Variants in PDE4DIP observed in about 807,000 individuals in gnomAD.
PDE4DIP encodes the protein phosphodiesterase 4D interacting protein, also known as myomegalin.
In PDE4DIP, 59 loss-of-function variants were observed where a neutral mutation model predicts 221.4. That is an observed-to-expected ratio of 0.27 (90% CI 0.22 to 0.33). The LOEUF (loss-of-function observed/expected upper bound fraction) is 0.33. Ranked by LOEUF, PDE4DIP falls within the 10% of genes least tolerant of loss-of-function variation. PDE4DIP has a pLI of 1.00. For missense variants in PDE4DIP, 1,036 were observed against 2,154.2 expected (o/e 0.48, Z 10.28); for synonymous variants, 404 against 815.9 (o/e 0.50, Z 8.60).
intron 14 of PDE4DIP, 108 bp from the exon 18 acceptor site, chr1:148,972,069 CATT>C (rs2059323717): frequency 5.8e-6 from 2 of 344,468 alleles, no homozygotes; most frequent in South Asian, 7.6e-5. Context: ...TTGTTGTTGT[CATT>C]GTTGTTTGTT....
At chr1:148,948,491 T>C (rs2052351221) in intron 5 of PDE4DIP, among the ~76,000 whole-genome samples, 1 of 148,054 alleles carries the variant, frequency 6.8e-6, no homozygotes, top group Admixed American at 6.7e-5. Flanking sequence ...AAAAAACTCA[T>C]ATGGATAGGC....
rs782272111 is a variant in PDE4DIP, at chr1:148,953,143, C to G, written c.637-7511C>G. ...GGACGGTTGACATGTCCGTCTTACC[C>G]GATGCGAGATACTCTGCACTGCTCC... On this transcript the variant is annotated intron_variant, in intron 5 of 43. Transcript: ENST00000369354. 12 of 1,613,940 alleles carry G rather than the reference C, an allele frequency of 7.4e-6. No homozygotes were observed. The African/African-American group carries it at 1.1e-4, about 14-fold the overall frequency.
chr1:148,988,994 A>G (rs1553553450), intron 21 of PDE4DIP, among the ~76,000 whole-genome samples: 1 of 152,156 alleles, frequency 6.6e-6, no homozygotes, highest in African/African-American at 2.4e-5. Flanking sequence ...TAGAAATTCA[A>G]AATATTCCAA....
At chr1:148,968,904 G>A (rs1574539528) in exon 14 of PDE4DIP, 1 of 1,613,812 alleles carries the variant, frequency 6.2e-7, no homozygotes, top group Non-Finnish European at 8.5e-7. Context: ...AGCTGTGCCA[G>A]CGTCTACAGC....
chr1:148,943,912 A>C (rs2051024975), intron 5 of PDE4DIP, among the ~76,000 whole-genome samples: 1 of 151,174 alleles, frequency 6.6e-6, no homozygotes, highest in Non-Finnish European at 1.5e-5. Context: ...GTGTCTTCAC[A>C]TGGTAGAAGG....
At chr1:149,013,805 T>G (rs1167999428) in intron 32 of PDE4DIP, among the ~76,000 whole-genome samples, 1 of 132,954 alleles carries the variant, frequency 7.5e-6, no homozygotes, top group Non-Finnish European at 1.6e-5. Context: ...TTTTTTTTTT[T>G]GAGACAGGGT....
intron 17 of PDE4DIP, among the ~76,000 whole-genome samples, chr1:148,977,637 T>C (rs1574751878): frequency 6.6e-6 from 1 of 152,260 alleles, no homozygotes; most frequent in East Asian, 1.9e-4. Flanking sequence ...AAACTTCATC[T>C]CTTCTTGCTT....
chr1:148,893,037 CTAAT>C (rs1417947242), intron 1 of PDE4DIP, among the ~76,000 whole-genome samples: 1 of 110,344 alleles, frequency 9.1e-6, no homozygotes, highest in Non-Finnish European at 1.8e-5. Flanking sequence ...CCACACCTGG[CTAAT>C]TATTTATATA....
At chr1:149,005,556 T>G in intron 27 of PDE4DIP, 119 bp downstream of exon 30, 1 of 872,068 alleles carries the variant, frequency 1.1e-6, no homozygotes, top group Non-Finnish European at 1.8e-6. Flanking sequence ...GGGACACTGA[T>G]TTAAATGGTA....
chr1:148,876,828 AC>A (rs1691590121), intron 3 of PDE4DIP, among the ~76,000 whole-genome samples: 1 of 123,968 alleles, frequency 8.1e-6, no homozygotes, highest in Non-Finnish European at 1.6e-5. Context: ...AGCCTGGCCA[AC>A]ATGGTAAAAC....
At chr1:148,951,708 A>C (rs777254545) in intron 5 of PDE4DIP, among the ~76,000 whole-genome samples, 1 of 152,312 alleles carries the variant, frequency 6.6e-6, no homozygotes, top group Non-Finnish European at 1.5e-5. Context: ...TTGGTTAACC[A>C]GATTCACATT....
chr1:149,009,540 T>C, intron 29 of PDE4DIP, 28 bp from the exon 33 acceptor site: 1 of 1,495,142 alleles, frequency 6.7e-7, no homozygotes, highest in East Asian at 2.3e-5. Context: ...ACCTTGGTTT[T>C]ACCCGTTGTC....
chr1:148,981,286 A>C (rs782712339), exon 21 of PDE4DIP: 1 of 1,613,536 alleles, frequency 6.2e-7, no homozygotes, highest in Non-Finnish European at 8.5e-7. Context: ...GAGAGACCGA[A>C]CTCTGCAGGT....
At chr1:148,944,253 A>T (rs1181703681) in intron 5 of PDE4DIP, among the ~76,000 whole-genome samples, 1 of 152,202 alleles carries the variant, frequency 6.6e-6, no homozygotes. Context: ...AAGGGTGGAT[A>T]GGATTTTGAT....
At chr1:149,021,961 A>G (rs1419828530) in intron 37 of PDE4DIP, among the ~76,000 whole-genome samples, 1 of 147,556 alleles carries the variant, frequency 6.8e-6, no homozygotes, top group African/African-American at 2.5e-5. Context: ...AGCAGGCTGG[A>G]ACAGAGGACG....
chr1:149,012,461 T>C, intron 31 of PDE4DIP, 130 bp from the exon 35 acceptor site: 1 of 584,142 alleles, frequency 1.7e-6, no homozygotes, highest in Admixed American at 3.0e-5. Flanking sequence ...TGTACCACAC[T>C]AGATGATAGC....
chr1:149,024,394 C>G (rs587759165), intron 37 of PDE4DIP, 51 bp from the exon 41 acceptor site: 1 of 1,516,034 alleles, frequency 6.6e-7, no homozygotes, highest in Admixed American at 2.0e-5. Context: ...AGGGTTCTGA[C>G]AAGTGCTTGG....
chr1:148,971,391 C>T (rs1163535787), intron 14 of PDE4DIP, among the ~76,000 whole-genome samples: 2 of 148,550 alleles, frequency 1.3e-5, no homozygotes, highest in South Asian at 2.2e-4. Flanking sequence ...AAATTAAGCA[C>T]AGTAAGAAGT....
At chr1:148,917,223 A>G (rs2044294806) in intron 1 of PDE4DIP, among the ~76,000 whole-genome samples, 1 of 151,962 alleles carries the variant, frequency 6.6e-6, no homozygotes, top group East Asian at 1.9e-4. Context: ...CTATTCTAAC[A>G]GAGTGACTAT....
Sources: gnomAD v4.1 joint callset for allele counts (sites outside exome capture counted in the v4.1 genomes callset) on GRCh38, gnomAD v4.1.1 for gene constraint, MANE v1.5 for transcripts, NCBI Gene and HGNC (gene_info 2026-07-23, HGNC 2026-07-21) for gene names.